UGGT2: variants seen among roughly 807,000 people sequenced by gnomAD.
The protein encoded by UGGT2 is UDP-glucose glycoprotein glucosyltransferase 2.
Under a neutral mutation model 192.1 loss-of-function variants are expected in UGGT2, and 180 were observed. The ratio of observed to expected loss-of-function variants is 0.94; its 90% CI spans 0.83 to 1.06. The LOEUF is 1.06. UGGT2 is among the 50% of genes least tolerant of loss of function. UGGT2 has a pLI of 0.00. For synonymous variants in UGGT2, 580 were observed against 591.0 expected, an observed-to-expected ratio of 0.98 and a Z score of 0.27; for missense variants, 1,849 against 1,795.7, an observed-to-expected ratio of 1.03 and a Z score of -0.54.
At chr13:95,808,499 T>C (rs1487580351) in intron 38 of UGGT2, among the ~76,000 whole-genome samples, 1 of 152,184 alleles carries the variant, frequency 6.6e-6, no homozygotes, top group Non-Finnish European at 1.5e-5. Context: ...TTTCTTTTTT[T>C]TTTCTTTCAT....
At chr13:96,033,381 C>T (rs1309768308) in intron 1 of UGGT2, among the ~76,000 whole-genome samples, 1 of 152,098 alleles carries the variant, frequency 6.6e-6, no homozygotes, top group African/African-American at 2.4e-5. Flanking sequence ...CCACCCACTT[C>T]TGAGTTGGTA....
At chr13:95,877,401 T>C in intron 28 of UGGT2, 37 bp from the exon 29 acceptor site, 4 of 1,528,354 alleles carry the variant, frequency 2.6e-6, no homozygotes, top group South Asian at 2.4e-5. Context: ...TTGAGTAATA[T>C]GACTAAAAAC....
chr13:96,035,338 C>T (rs2052970028), intron 1 of UGGT2, among the ~76,000 whole-genome samples: 2 of 152,160 alleles, frequency 1.3e-5, no homozygotes, highest in Non-Finnish European at 2.9e-5. Context: ...ATAAATGGTT[C>T]TGGGAGAACT....
In UGGT2 at chr13:95,972,628, A is replaced by G. The variant is rs1270379907; in HGVS notation, c.1136T>C (p.Leu379Pro). Residue 379 changes from leucine (L) to proline (P), a missense_variant, in exon 11 of 39, where the codon CTA becomes CCA. Coordinates refer to ENST00000376747, the MANE Select transcript of UGGT2 (RefSeq NM_020121.4). ...ATCAACACGAAGGCCATTTATAAAT[A>G]GACGAGCATCGCCTGGCTGAATTTT... ...RFKIQPGDAR[L>P]FINGLRVDMD... 1.2e-6 allele frequency: 2 copies of G among 1,613,886 alleles called. No individual in the cohort carries two copies. The highest frequency in any genetic ancestry group is 4.5e-5 in the East Asian group (2 of 44,834).
At chr13:95,946,963 T>A (rs1273331538) in intron 15 of UGGT2, 74 bp downstream of exon 15, 5 of 1,378,872 alleles carry the variant, frequency 3.6e-6, no homozygotes, top group Non-Finnish European at 4.8e-6. Context: ...AAATTATACA[T>A]TCTAAAGAAA....
chr13:96,001,427 C>G (rs2051800073), intron 5 of UGGT2, among the ~76,000 whole-genome samples: 1 of 152,080 alleles, frequency 6.6e-6, no homozygotes, highest in Non-Finnish European at 1.5e-5. Flanking sequence ...ATAAAACGGC[C>G]CCACCCCATC....
intron 29 of UGGT2, among the ~76,000 whole-genome samples, chr13:95,867,835 T>C (rs1201378253): frequency 2.0e-5 from 3 of 152,198 alleles, no homozygotes; most frequent in African/African-American, 7.2e-5. Context: ...ATCCAACTTT[T>C]TAATATCCAC....
intron 9 of UGGT2, among the ~76,000 whole-genome samples, chr13:95,985,541 T>C (rs117227967): frequency 0.044 from 6,729 of 152,234 alleles, 215 homozygotes; most frequent in Middle Eastern, 0.092. Context: ...CTTAGGAAGG[T>C]ATGCTAAGCT....
intron 5 of UGGT2, among the ~76,000 whole-genome samples, chr13:96,012,440 A>T (rs187217114): frequency 2.4e-4 from 36 of 151,794 alleles, no homozygotes; most frequent in East Asian, 5.8e-4. Context: ...AACAATTTTT[A>T]AAAAAAATCA....
intron 38 of UGGT2, among the ~76,000 whole-genome samples, chr13:95,802,903 A>G (rs1323457395): frequency 6.6e-6 from 1 of 152,122 alleles, no homozygotes; most frequent in Non-Finnish European, 1.5e-5. Flanking sequence ...GTGTGATCTC[A>G]GCTCACTGCA....
At chr13:95,912,274 T>G (rs944219666) in intron 20 of UGGT2, among the ~76,000 whole-genome samples, 2 of 152,144 alleles carry the variant, frequency 1.3e-5, no homozygotes, top group Admixed American at 1.3e-4. Flanking sequence ...GGGTGTTCAA[T>G]TAGAAAATGA....
chr13:95,888,468 C>T (rs1423785721), intron 25 of UGGT2, among the ~76,000 whole-genome samples: 1 of 152,138 alleles, frequency 6.6e-6, no homozygotes, highest in Non-Finnish European at 1.5e-5. Flanking sequence ...CCCATCTCCA[C>T]ATAGGCAACA....
chr13:95,817,380 T>C (rs547905740), intron 38 of UGGT2, among the ~76,000 whole-genome samples: 114 of 152,062 alleles, frequency 7.5e-4, no homozygotes, highest in Non-Finnish European at 1.3e-3. Context: ...AGGCCAGGAG[T>C]TGGAGACCAG....
At chr13:95,819,865 G>A (rs1242685778) in intron 38 of UGGT2, among the ~76,000 whole-genome samples, 1 of 152,074 alleles carries the variant, frequency 6.6e-6, no homozygotes, top group Non-Finnish European at 1.5e-5. Context: ...TACAAAATAA[G>A]GAACGAAATA....
chr13:95,803,025 G>A (rs2139719222), intron 38 of UGGT2, among the ~76,000 whole-genome samples: 1 of 151,858 alleles, frequency 6.6e-6, no homozygotes, highest in Admixed American at 6.6e-5. Flanking sequence ...TAGTAGAGAC[G>A]GGGTTTCACC....
At chr13:95,960,452 G>T (rs2050352409) in intron 12 of UGGT2, among the ~76,000 whole-genome samples, 1 of 151,716 alleles carries the variant, frequency 6.6e-6, no homozygotes, top group African/African-American at 2.4e-5. Context: ...AAATCAAGTA[G>T]AATCAAGAAT....
At chr13:96,037,409 C>T (rs906879240) in intron 1 of UGGT2, among the ~76,000 whole-genome samples, 4 of 152,186 alleles carry the variant, frequency 2.6e-5, no homozygotes, top group African/African-American at 4.8e-5. Flanking sequence ...ATGTTGGCTA[C>T]GCTGGTCTCA....
chr13:95,819,520 GTAATAGTATA>G (rs777290910), intron 38 of UGGT2, among the ~76,000 whole-genome samples: 53,583 of 151,880 alleles, frequency 0.35, 9,905 homozygotes, highest in Non-Finnish European at 0.41. Context: ...ATGTATGTAT[GTAATAGTATA>G]TATGTATATA....
At chr13:95,868,303 A>C (rs1250720811) in intron 29 of UGGT2, among the ~76,000 whole-genome samples, 1 of 152,142 alleles carries the variant, frequency 6.6e-6, no homozygotes, top group Non-Finnish European at 1.5e-5. Context: ...CACCACTAGA[A>C]AACAGAAAGA....
Sources: allele counts gnomAD v4.1 joint callset (sites outside exome capture counted in the v4.1 genomes callset), GRCh38; gene constraint gnomAD v4.1.1; transcripts MANE v1.5; gene names NCBI Gene and HGNC (gene_info 2026-07-23, HGNC 2026-07-21).